The following CUL7 variants were observed in gnomAD, a reference collection of about 807,000 sequenced individuals.
The protein encoded by CUL7 is cullin 7, also known as cullin-7.
A neutral mutation model predicts 177.7 loss-of-function variants in CUL7; 96 were observed. The observed-to-expected ratio is 0.54, with a 90% CI of 0.46 to 0.64. The LOEUF (loss-of-function observed/expected upper bound fraction) is 0.64. CUL7 is among the 30% of genes least tolerant of loss of function. CUL7 has a pLI of 0.00. For missense variants in CUL7, 1,893 were observed against 2,187.9 expected (o/e 0.87, Z 2.69); for synonymous variants, 824 against 890.2 (o/e 0.93, Z 1.32).
At position 43,051,172 on chromosome 6, in the gene CUL7, G is replaced by T; in HGVS notation, c.1029C>A (p.Pro343=). 6.2e-7 allele frequency: 1 copy of T among 1,614,172 alleles called. No individual in the cohort carries two copies. The highest frequency in any genetic ancestry group is 8.5e-7 in the Non-Finnish European group (1 of 1,180,030). The change falls in exon 4 of 26, where the codon CCC becomes CCA. Residue 343 remains proline (P), a synonymous_variant. Coordinates refer to ENST00000265348, the MANE Select transcript of CUL7 (RefSeq NM_014780.5). The surrounding 1 kb of genome is among the most constrained non-coding windows in gnomAD (Gnocchi z 5.0). ...PQLADVSPGL[P]AAQAQPSFRR... is the part of the protein sequence containing the mutation. ...TGAAGGAGGGCTGAGCCTGGGCAGC[G>T]GGGAGCCCTGGGCTCACATCTGCCA...
At chr6:43,049,294 G>T in intron 7 of CUL7, 113 bp downstream of exon 7, 1 of 1,392,934 alleles carries the variant, frequency 7.2e-7, no homozygotes, top group Non-Finnish European at 1.0e-6. Context: ...CTAAGTTGCA[G>T]CTTCTAAGGT....
At position 43,052,653 on chromosome 6, in the gene CUL7, G is replaced by A. The variant is rs141692693; in HGVS notation, c.136C>T (p.Arg46Trp). ...PEYQIRWLIL[R>W]RGDEGDGGSG... ...CCCCCGTCCCCCTCATCGCCACGCCGCAGGATGAGCCAACGGATCTGGTAC... is the reference window on the plus strand; with the variant it reads ...CCCCCGTCCCCCTCATCGCCACGCCACAGGATGAGCCAACGGATCTGGTAC... Residue 46 changes from arginine to tryptophan, a missense_variant, in exon 2 of 26, where the codon CGG becomes TGG. By Grantham distance (101) the Arg-to-Trp change is moderately radical. Around this residue, in one of 5 missense-constraint regions of CUL7, gnomAD observed 653 missense variants for 725.2 expected, o/e 0.90. Transcript: ENST00000265348. This position sits in a 1 kb window ranked among gnomAD's most constrained non-coding sequence, Gnocchi z 4.5. The A allele has an allele frequency of 4.1e-4, 663 of 1,614,180 alleles. No individual in the cohort carries two copies. Among genetic ancestry groups the A allele is most frequent in the African/African-American group, 3.3e-3 (251 of 75,058 alleles).
In CUL7 at chr6:43,052,688, C is replaced by T; in HGVS notation, c.101G>A (p.Gly34Glu). 1 of 1,614,040 alleles carries T rather than the reference C, an allele frequency of 6.2e-7. No homozygotes were observed. Among genetic ancestry groups the T allele is most frequent in the Non-Finnish European group, 8.5e-7 (1 of 1,180,052 alleles). Residue 34 changes from glycine (G) to glutamate (E), a missense_variant, in exon 2 of 26, where the codon GGG becomes GAG. This residue lies in a region of CUL7 where 653 missense variants were observed against 725.2 expected (regional missense o/e 0.90). Transcript: ENST00000265348. The surrounding 1 kb of genome is among the most constrained non-coding windows in gnomAD (Gnocchi z 4.5). Reference protein sequence around the residue: ...ELIRQRVGHDGHPEYQIRWLI... With the variant: ...ELIRQRVGHDEHPEYQIRWLI... ...CCAACGGATCTGGTACTCAGGATGCCCATCATGGCCCACGCGCTGGCGGAT... is the reference window on the plus strand; with the variant it reads ...CCAACGGATCTGGTACTCAGGATGCTCATCATGGCCCACGCGCTGGCGGAT...
Position 43,043,319 on chromosome 6 carries a change from C to T in CUL7, c.3355+129G>A. ...TGTTCATGGATGGAGGTGACACAAACCTGGAAGATGAACAGGCTGAGCCCA... is the reference window on the plus strand; with the variant it reads ...TGTTCATGGATGGAGGTGACACAAATCTGGAAGATGAACAGGCTGAGCCCA... On this transcript the variant is annotated intron_variant, in intron 17 of 25. Transcript: ENST00000265348. This position sits in a 1 kb window ranked among gnomAD's most constrained non-coding sequence, Gnocchi z 4.2. 8.2e-7 allele frequency: 1 copy of T among 1,217,196 alleles called. No individual in the cohort carries two copies. The highest frequency in any genetic ancestry group is 1.2e-6 in the Non-Finnish European group (1 of 835,004). 75.4% of individuals were successfully genotyped at this position (1,217,196 alleles called of 1,614,324 possible).
In CUL7 at chr6:43,045,901, GA is replaced by G. The variant is rs1763858092; in HGVS notation, c.2766+84del. 3 of 1,242,146 alleles carry G rather than the reference GA, an allele frequency of 2.4e-6. No homozygotes were observed. The highest frequency in any genetic ancestry group is 3.5e-6 in the Non-Finnish European group (3 of 855,948). 76.9% of individuals were successfully genotyped at this position (1,242,146 alleles called of 1,614,324 possible). A position where few individuals can be genotyped will look rare whatever the true frequency, so the allele number is the denominator to read the frequency against. On this transcript the variant is annotated intron_variant, in intron 13 of 25. Coordinates refer to ENST00000265348, the MANE Select transcript of CUL7 (RefSeq NM_014780.5). This position sits in a 1 kb window ranked among gnomAD's most constrained non-coding sequence, Gnocchi z 4.8. ...TGGGGCTCAAGACAGGTGGGAGTTA[GA>G]AAAAAGTAGGATAGGGCCAGATAGA...
Position 43,051,853 on chromosome 6 carries a change from G to T in CUL7, c.581-90C>A. 1.3e-6 allele frequency: 2 copies of T among 1,500,474 alleles called. No homozygotes were observed. Among genetic ancestry groups the T allele is most frequent in the Non-Finnish European group, 1.9e-6 (2 of 1,078,808 alleles). 92.9% of individuals were successfully genotyped at this position (1,500,474 alleles called of 1,614,324 possible). A position where few individuals can be genotyped will look rare whatever the true frequency, so the allele number is the denominator to read the frequency against. On this transcript the variant is annotated intron_variant, in intron 2 of 25. Transcript: ENST00000265348. This position sits in a 1 kb window ranked among gnomAD's most constrained non-coding sequence, Gnocchi z 5.0. ...TCTACTCTTTCAATCCAATCCTTTT[G>T]CCACCACACAATGAGAAAGAACTGA...
chr6:43,045,729 A>C lies in CUL7; in HGVS notation c.2767-47T>G. 2 of 1,594,236 alleles carry C rather than the reference A, an allele frequency of 1.3e-6. No homozygotes were observed. Among genetic ancestry groups the C allele is most frequent in the Non-Finnish European group, 1.7e-6 (2 of 1,162,166 alleles). ...TGTCACCTCCACACATGCAGAGCCAAGTTGGCTCTAGGCTCCAGTCCCCTC... is the reference window on the plus strand; with the variant it reads ...TGTCACCTCCACACATGCAGAGCCACGTTGGCTCTAGGCTCCAGTCCCCTC... On this transcript the variant is annotated intron_variant, in intron 13 of 25. Coordinates refer to ENST00000265348, the MANE Select transcript of CUL7 (RefSeq NM_014780.5). The surrounding 1 kb of genome is among the most constrained non-coding windows in gnomAD (Gnocchi z 4.8).
At chr6:43,047,372 C>T (rs759725468) in intron 9 of CUL7, among the ~76,000 whole-genome samples, 15 of 152,134 alleles carry the variant, frequency 9.9e-5, no homozygotes, top group East Asian at 1.9e-4. Context: ...TTGGCAAAAA[C>T]GGCAGAGAGC....
chr6:43,042,093 A>G (rs1393305677), intron 19 of CUL7, among the ~76,000 whole-genome samples: 1 of 142,046 alleles, frequency 7.0e-6, no homozygotes, highest in Non-Finnish European at 1.5e-5. Flanking sequence ...GAGGGAGAGA[A>G]GGAGGGAGGG....
In CUL7 at chr6:43,045,479, AC is replaced by A. The variant is rs1429269655; in HGVS notation, c.2863-78del. The stretch of plus-strand genomic sequence containing the variant: ...GGGGTCAGCTACGCCCTCGAACCTC[AC>A]CCCTGGAGCTGCTCGAGACCCAGGC... On this transcript the variant is annotated intron_variant, in intron 14 of 25. Coordinates refer to ENST00000265348, the MANE Select transcript of CUL7 (RefSeq NM_014780.5). The surrounding 1 kb of genome is among the most constrained non-coding windows in gnomAD (Gnocchi z 4.8). 1.1e-5 allele frequency: 17 copies of A among 1,613,448 alleles called. No homozygotes were observed. The highest frequency in any genetic ancestry group is 1.7e-5 in the Admixed American group (1 of 60,016).
chr6:43,037,744 G>C lies in CUL7; in HGVS notation c.5041C>G (p.Arg1681Gly), dbSNP rs375165020. 6.4e-7 allele frequency: 1 copy of C among 1,573,852 alleles called. No homozygotes were observed. The highest frequency in any genetic ancestry group is 1.7e-4 in the Middle Eastern group (1 of 6,006). ...GTGCAGGAGGCATAGGGCACACCCC[G>C]GGAGCGAATCTGTAGGGTATGGAAG... ...LTFHTLQIRSRGVPYASCTAT... is the reference protein window; with the variant it reads ...LTFHTLQIRSGGVPYASCTAT... The change falls in exon 26 of 26, where the codon CGG becomes GGG. Residue 1681 changes from arginine to glycine, a missense_variant. This residue lies in a region of CUL7 where 248 missense variants were observed against 262.5 expected (regional missense o/e 0.94). Coordinates refer to ENST00000265348, the MANE Select transcript of CUL7 (RefSeq NM_014780.5).
Position 43,043,609 on chromosome 6 carries a change from A to AG in CUL7, c.3193dup (p.Leu1065ProfsTer43). 1 of 1,610,346 alleles carries AG rather than the reference A, an allele frequency of 6.2e-7. No homozygotes were observed. Among genetic ancestry groups the AG allele is most frequent in the Non-Finnish European group, 8.5e-7 (1 of 1,178,026 alleles). ...CAGGTACTGGTCCAGCAGCCAACCC[A>AG]GGGGGCTAATGCCATCCTCATCTAG... On this transcript the variant is annotated frameshift_variant, in exon 17 of 26. Coordinates refer to ENST00000265348, the MANE Select transcript of CUL7 (RefSeq NM_014780.5). LOFTEE classifies it high-confidence loss of function. The surrounding 1 kb of genome is among the most constrained non-coding windows in gnomAD (Gnocchi z 4.2).
At chr6:43,049,365 C>A in intron 7 of CUL7, 42 bp downstream of exon 7, 1 of 1,613,680 alleles carries the variant, frequency 6.2e-7, no homozygotes, top group Non-Finnish European at 8.5e-7. Flanking sequence ...TGTGCTACTG[C>A]CCTGAAGGTG....
In CUL7 at chr6:43,040,170, T is replaced by C. The variant is rs1489745321; in HGVS notation, c.4280A>G (p.Asn1427Ser). Reference protein sequence around the residue: ...YLRGTLNRYSNFYNKSQSHPA... With the variant: ...YLRGTLNRYSSFYNKSQSHPA... ...TGGCTGCTCACTCTTGTTGTAGAAG[T>C]TGGAGTATCTGTTCAAAGTGCCCCT... The change falls in exon 22 of 26, where the codon AAC becomes AGC. Residue 1427 changes from asparagine (N) to serine (S), a missense_variant. Transcript: ENST00000265348. This position sits in a 1 kb window ranked among gnomAD's most constrained non-coding sequence, Gnocchi z 4.2. 3 of 1,614,134 alleles carry C rather than the reference T, an allele frequency of 1.9e-6. No individual in the cohort carries two copies. The South Asian group carries it at 3.3e-5, about 18-fold the overall frequency.
rs1393102136 is a variant in CUL7 at position 43,046,388 on chromosome 6, C to G, written c.2508G>C (p.Lys836Asn). The G allele has an allele frequency of 6.2e-7, 1 of 1,614,120 alleles. No homozygotes were observed. Among genetic ancestry groups the G allele is most frequent in the Non-Finnish European group, 8.5e-7 (1 of 1,180,052 alleles). The change falls in exon 12 of 26, where the codon AAG becomes AAC. Residue 836 changes from lysine to asparagine, a missense_variant. This residue lies in a region of CUL7 where 973 missense variants were observed against 1,140.9 expected (regional missense o/e 0.85). Transcript: ENST00000265348. The stretch of plus-strand genomic sequence containing the variant: ...CCACCTTCTCCCAGCACTTGTCCTC[C>G]TTCACTTCCACACTGGAGCCTGGGG... Reference protein sequence around the residue: ...YLCQGSSVEVKEDKCWEKVEV... With the variant: ...YLCQGSSVEVNEDKCWEKVEV...
rs1172392995 is a variant in CUL7 at position 43,053,744 on chromosome 6, G to A, written c.-131C>T. Reference sequence around the variant, plus strand: ...CGCGAGGGGGTCGAGACGGAGAGACGGGAGGGGGCGTGCCTCCGCGGAACA... The same window carrying A: ...CGCGAGGGGGTCGAGACGGAGAGACAGGAGGGGGCGTGCCTCCGCGGAACA... On this transcript the variant is annotated 5_prime_UTR_variant, in exon 1 of 26. Coordinates refer to ENST00000265348, the MANE Select transcript of CUL7 (RefSeq NM_014780.5). The surrounding 1 kb of genome is among the most constrained non-coding windows in gnomAD (Gnocchi z 4.1). 4 of 1,491,426 alleles carry A rather than the reference G, an allele frequency of 2.7e-6. No individual in the cohort carries two copies. Among genetic ancestry groups the A allele is most frequent in the African/African-American group, 1.4e-5 (1 of 70,252 alleles). 92.4% of individuals were successfully genotyped at this position (1,491,426 alleles called of 1,614,324 possible).
rs1384044372 is a variant in CUL7 at position 43,045,494 on chromosome 6, C to T, written c.2863-92G>A. 1.2e-5 allele frequency: 19 copies of T among 1,612,856 alleles called. No individual in the cohort carries two copies. The highest frequency in any genetic ancestry group is 2.7e-5 in the African/African-American group (2 of 74,912). On this transcript the variant is annotated intron_variant, in intron 14 of 25. Coordinates refer to ENST00000265348, the MANE Select transcript of CUL7 (RefSeq NM_014780.5). The surrounding 1 kb of genome is among the most constrained non-coding windows in gnomAD (Gnocchi z 4.8). The stretch of plus-strand genomic sequence containing the variant: ...CTCGAACCTCACCCCTGGAGCTGCT[C>T]GAGACCCAGGCTGGTCCTCTGGCTT...
At position 43,053,388 on chromosome 6, in the gene CUL7, C is replaced by CGCCGCGAGACCCAGGGCAGGGT; in HGVS notation, c.-9+212_-9+233dup. ...ACTGGAACAAGAGGGCTGGTGAGGGCGCCGCGAGACCCAGGGCAGGGTGCA... is the reference window on the plus strand; with the variant it reads ...ACTGGAACAAGAGGGCTGGTGAGGGCGCCGCGAGACCCAGGGCAGGGTGCCGCGAGACCCAGGGCAGGGTGCA... On this transcript the variant is annotated intron_variant, in intron 1 of 25. Transcript: ENST00000265348. The surrounding 1 kb of genome is among the most constrained non-coding windows in gnomAD (Gnocchi z 4.1). Among the ~76,000 whole-genome samples, 1 of 151,996 alleles carries CGCCGCGAGACCCAGGGCAGGGT rather than the reference C, an allele frequency of 6.6e-6. No homozygotes were observed. Among genetic ancestry groups the CGCCGCGAGACCCAGGGCAGGGT allele is most frequent in the African/African-American group, 2.4e-5 (1 of 41,360 alleles).
At chr6:43,041,096 G>A (rs562551454) in intron 19 of CUL7, 21 bp from the exon 20 acceptor site, 3 of 1,613,016 alleles carry the variant, frequency 1.9e-6, no homozygotes, top group African/African-American at 1.3e-5. Flanking sequence ...GCAGAGCACA[G>A]GAAAGCCATG....
Sources: allele counts gnomAD v4.1 joint callset (sites outside exome capture counted in the v4.1 genomes callset), GRCh38; gene constraint gnomAD v4.1.1; regional missense constraint gnomAD v4.1.1; non-coding constraint Gnocchi (gnomAD v3.1); transcripts MANE v1.5; gene names NCBI Gene and HGNC (gene_info 2026-07-23, HGNC 2026-07-21).